FGF14: variants seen among roughly 807,000 people sequenced by gnomAD.
FGF14 encodes the protein fibroblast growth factor 14.
Under a neutral mutation model 25.5 loss-of-function variants are expected in FGF14, and 5 were observed. The observed-to-expected ratio is 0.20, with a 90% CI of 0.10 to 0.41. The LOEUF (loss-of-function observed/expected upper bound fraction) is 0.41, where lower values mean the gene tolerates loss of function less well. FGF14 is among the 10% of genes least tolerant of loss of function. The probability of loss-of-function intolerance (pLI) is 1.00; values close to 1 mark genes in which losing one functional copy is unlikely to be tolerated. For synonymous variants in FGF14, 138 were observed against 118.3 expected, an observed-to-expected ratio of 1.17 and a Z score of -1.08; for missense variants, 222 against 320.1, an observed-to-expected ratio of 0.69 and a Z score of 2.34.
Position 102,123,484 on chromosome 13 carries a change from C to A in FGF14, c.209-248188G>T, listed in dbSNP as rs58584534. Reference sequence around the variant, plus strand: ...ATTAAGTAAAAATTGATTTTTCTTGCAAGACACTAACACCCAGAATATCAA... The same window carrying A: ...ATTAAGTAAAAATTGATTTTTCTTGAAAGACACTAACACCCAGAATATCAA... On this transcript the variant is annotated intron_variant, in intron 1 of 4. Coordinates refer to the FGF14 transcript ENST00000376131. 4.6e-3 allele frequency among the ~76,000 whole-genome samples: 696 copies of A among 152,194 alleles called. 4 individuals are homozygous for A. The highest frequency in any genetic ancestry group is 0.015 in the African/African-American group (643 of 41,530).
rs140714426 is a variant in FGF14, at chr13:102,120,539, C to T, written c.209-245243G>A. Among the ~76,000 whole-genome samples the T allele has an allele frequency of 3.1e-3, 471 of 152,238 alleles. 1 individual carries two copies. Among genetic ancestry groups the T allele is most frequent in the African/African-American group, 0.011 (445 of 41,550 alleles). The stretch of plus-strand genomic sequence containing the variant: ...GAAGAGAAAGTAATTTTGGAAGCAG[C>T]ACAGATGTGTGTCCCCAGCTGCTCT... On this transcript the variant is annotated intron_variant, in intron 1 of 4. Transcript: ENST00000376131.
At chr13:102,032,937 G>A (rs907190760) in intron 1 of FGF14, among the ~76,000 whole-genome samples, 1 of 152,078 alleles carries the variant, frequency 6.6e-6, no homozygotes, top group Non-Finnish European at 1.5e-5. Context: ...ATGACAAGGA[G>A]CTCACAGGGG....
intron 2 of FGF14, 31 bp from the exon 3 acceptor site, chr13:101,868,859 G>C (rs752022905): frequency 6.9e-7 from 1 of 1,442,186 alleles, no homozygotes; most frequent in Non-Finnish European, 9.8e-7. Flanking sequence ...TATCATGAAT[G>C]GGCAGGAAGA....
intron 3 of FGF14, among the ~76,000 whole-genome samples, chr13:101,752,597 C>T (rs2139847714): frequency 6.6e-6 from 1 of 152,260 alleles, no homozygotes; most frequent in South Asian, 2.1e-4. Context: ...TGGGATTTCC[C>T]AAACTGCATT....
Position 102,380,561 on chromosome 13 carries a change from G to A in FGF14, c.208+20910C>T, listed in dbSNP as rs1017483009. Among the ~76,000 whole-genome samples the A allele has an allele frequency of 2.6e-5, 4 of 152,086 alleles. No individual in the cohort carries two copies. The South Asian group carries it at 6.2e-4, about 24-fold the overall frequency. On this transcript the variant is annotated intron_variant, in intron 1 of 4. Transcript: ENST00000376131. ...TGACAGGGCTTTAATCTACTCAATC[G>A]GGTATTTTCCTAACAAAGCACAGAG...
At chr13:102,018,647 C>G (rs2051646404) in intron 1 of FGF14, among the ~76,000 whole-genome samples, 1 of 151,942 alleles carries the variant, frequency 6.6e-6, no homozygotes, top group South Asian at 2.1e-4. Context: ...CCTCCTCCAG[C>G]CCTGAGGCCT....
intron 1 of FGF14, among the ~76,000 whole-genome samples, chr13:102,076,161 G>A (rs1302963572): frequency 6.6e-6 from 1 of 152,068 alleles, no homozygotes; most frequent in African/African-American, 2.4e-5. Context: ...GTATGTCCTA[G>A]GCCTTCACAT....
At chr13:102,272,018 A>C (rs2053270849) in intron 1 of FGF14, among the ~76,000 whole-genome samples, 2 of 152,128 alleles carry the variant, frequency 1.3e-5, no homozygotes, top group Admixed American at 1.3e-4. Flanking sequence ...TTCCAGTTGC[A>C]AAAAAAGTAA....
chr13:102,175,628 C>G (rs2048415236), intron 1 of FGF14, among the ~76,000 whole-genome samples: 1 of 151,984 alleles, frequency 6.6e-6, no homozygotes, highest in Non-Finnish European at 1.5e-5. Context: ...AATAAACAGA[C>G]AGCCTGCAGA....
chr13:101,744,598 T>TA (rs1467017621), intron 3 of FGF14, among the ~76,000 whole-genome samples: 2 of 152,076 alleles, frequency 1.3e-5, no homozygotes, highest in African/African-American at 4.8e-5. Context: ...TAAGTGGTTT[T>TA]AAAAAATGTT....
chr13:102,069,430 CTCGG>C (rs1459357675), intron 1 of FGF14, among the ~76,000 whole-genome samples: 1 of 152,224 alleles, frequency 6.6e-6, no homozygotes, highest in African/African-American at 2.4e-5. Flanking sequence ...TGGCAACCCG[CTCGG>C]GTCCCCTTCC....
At chr13:102,366,031 G>C (rs1201866940) in intron 1 of FGF14, among the ~76,000 whole-genome samples, 2 of 152,202 alleles carry the variant, frequency 1.3e-5, no homozygotes, top group Non-Finnish European at 2.9e-5. Flanking sequence ...GGAAGTGTTT[G>C]TTAATGGGGG....
Position 102,329,864 on chromosome 13 carries a change from C to T in FGF14, c.208+71607G>A, listed in dbSNP as rs527441630. ...ACCCCCACCTTATGCCCTCACTTCT[C>T]AGCTTATATTTCATAATTATTAGCT... On this transcript the variant is annotated intron_variant, in intron 1 of 4. Coordinates refer to the FGF14 transcript ENST00000376131. Among the ~76,000 whole-genome samples, 3 of 152,274 alleles carry T rather than the reference C, an allele frequency of 2.0e-5. 1 individual carries two copies. Among genetic ancestry groups the T allele is most frequent in the South Asian group, 4.1e-4 (2 of 4,824 alleles).
chr13:101,839,118 GGT>G (rs1422838552), intron 3 of FGF14, among the ~76,000 whole-genome samples: 1 of 151,980 alleles, frequency 6.6e-6, no homozygotes, highest in Non-Finnish European at 1.5e-5. Flanking sequence ...TAATACAAAT[GGT>G]GTGTCTCTAC....
intron 1 of FGF14, among the ~76,000 whole-genome samples, chr13:102,220,005 G>A (rs1474921936): frequency 1.3e-5 from 2 of 152,046 alleles, no homozygotes. Context: ...TCCATATAAT[G>A]TAGTTTTCAT....
intron 1 of FGF14, among the ~76,000 whole-genome samples, chr13:101,886,301 G>A (rs968295936): frequency 2.6e-5 from 4 of 152,106 alleles, no homozygotes; most frequent in African/African-American, 9.7e-5. Context: ...ATACTACAAA[G>A]CCATAGTAAC....
chr13:101,765,602 T>C (rs866297013), intron 3 of FGF14, among the ~76,000 whole-genome samples: 1 of 152,190 alleles, frequency 6.6e-6, no homozygotes, highest in South Asian at 2.1e-4. Flanking sequence ...TTGCCAAATA[T>C]GTATTTCATG....
intron 1 of FGF14, among the ~76,000 whole-genome samples, chr13:102,266,777 A>C (rs2053011451): frequency 6.6e-6 from 1 of 152,182 alleles, no homozygotes; most frequent in Non-Finnish European, 1.5e-5. Flanking sequence ...TGAAAACTAC[A>C]CTTGAGAAAG....
chr13:101,861,835 C>G (rs1185078744), intron 3 of FGF14, among the ~76,000 whole-genome samples: 1 of 152,142 alleles, frequency 6.6e-6, no homozygotes, highest in African/African-American at 2.4e-5. Flanking sequence ...TCAGTATCCT[C>G]ATTCGGATAA....
Sources: allele counts gnomAD v4.1 joint callset (sites outside exome capture counted in the v4.1 genomes callset), GRCh38; gene constraint gnomAD v4.1.1; transcripts MANE v1.5; gene names NCBI Gene and HGNC (gene_info 2026-07-23, HGNC 2026-07-21).